SLCO6A1: variants seen among roughly 807,000 people sequenced by gnomAD.
SLCO6A1 encodes cancer/testis antigen 48.
Under a neutral mutation model 72.7 loss-of-function variants are expected in SLCO6A1, and 65 were observed. That is an observed-to-expected ratio of 0.89 (90% CI 0.73 to 1.10). SLCO6A1 has a LOEUF of 1.10. SLCO6A1 is among the 50% of genes least tolerant of loss of function. The probability of loss-of-function intolerance (pLI) is 0.00; values close to 1 mark genes in which losing one functional copy is unlikely to be tolerated. For missense variants in SLCO6A1, 874 were observed against 872.6 expected (o/e 1.00, Z -0.02); for synonymous variants, 314 against 298.2 (o/e 1.05, Z -0.55).
intron 6 of SLCO6A1, among the ~76,000 whole-genome samples, chr5:102,446,444 G>A (rs1397374378): frequency 3.3e-5 from 5 of 152,188 alleles, no homozygotes; most frequent in Admixed American, 6.5e-5. Context: ...TGCTGAAGTT[G>A]TTTATGAAAT....
chr5:102,476,252 A>G (rs1165686007), intron 3 of SLCO6A1, among the ~76,000 whole-genome samples: 1 of 152,176 alleles, frequency 6.6e-6, no homozygotes, highest in Non-Finnish European at 1.5e-5. Context: ...CCTTCAAAAA[A>G]CAAAGACATA....
rs529827620 is a variant in SLCO6A1, at chr5:102,453,496, C to T, written c.1131+4886G>A. Among the ~76,000 whole-genome samples, 10 of 152,172 alleles carry T rather than the reference C, an allele frequency of 6.6e-5. No individual in the cohort carries two copies. The East Asian group carries it at 1.7e-3, about 26-fold the overall frequency. ...GTACTGACTTTTTCTTTATATGGGC[C>T]ACATTTTCTTCTTTCTTTGCATTTT... On this transcript the variant is annotated intron_variant, in intron 6 of 13. Coordinates refer to ENST00000506729, the MANE Select transcript of SLCO6A1 (RefSeq NM_173488.5).
At chr5:102,463,847 T>C (rs894406398) in intron 4 of SLCO6A1, among the ~76,000 whole-genome samples, 5 of 150,548 alleles carry the variant, frequency 3.3e-5, no homozygotes, top group Non-Finnish European at 5.9e-5. Context: ...GATTGCGCCA[T>C]TGCACTCCAG....
In SLCO6A1 at chr5:102,438,601, AAG is replaced by A. The variant is rs1232295559; in HGVS notation, c.1276+14_1276+15del. ...AGTGCAAAATTTTTGAAATGACAAT[AAG>A]AAGGTAAATCTACCTGCAAGTGTAG... is the stretch of plus-strand genomic sequence containing the variant. On this transcript the variant is annotated intron_variant, in intron 7 of 13. Coordinates refer to ENST00000506729, the MANE Select transcript of SLCO6A1 (RefSeq NM_173488.5). 2 of 1,578,962 alleles carry A rather than the reference AAG, an allele frequency of 1.3e-6. No individual in the cohort carries two copies. The highest frequency in any genetic ancestry group is 2.7e-5 in the African/African-American group (2 of 73,096).
intron 12 of SLCO6A1, among the ~76,000 whole-genome samples, chr5:102,382,956 T>G (rs942551835): frequency 1.6e-5 from 2 of 122,160 alleles, no homozygotes; most frequent in Admixed American, 8.1e-5. Flanking sequence ...ATATGAGAGA[T>G]ATATATATGT....
rs189383405 is a variant in SLCO6A1, at chr5:102,461,838, C to T, written c.900-2061G>A. ...GAGAAAATATAGTCAAATATTTTAA[C>T]AAGTTTATAGAGCATAAGAACTTCT... On this transcript the variant is annotated intron_variant, in intron 4 of 13. Coordinates refer to ENST00000506729, the MANE Select transcript of SLCO6A1 (RefSeq NM_173488.5). Among the ~76,000 whole-genome samples the T allele has an allele frequency of 4.5e-4, 68 of 152,056 alleles. No homozygotes were observed. The South Asian group carries it at 7.5e-3, about 17-fold the overall frequency.
rs559297893 is a variant in SLCO6A1, at chr5:102,391,787, T to C, written c.1815-742A>G. ...TAATTTGAGGGTGCCCCCTCTTTCATGTTTGACCTGTGACTACTACACTCA... is the reference window on the plus strand; with the variant it reads ...TAATTTGAGGGTGCCCCCTCTTTCACGTTTGACCTGTGACTACTACACTCA... On this transcript the variant is annotated intron_variant, in intron 10 of 13. Transcript: ENST00000506729. 1.8e-4 allele frequency among the ~76,000 whole-genome samples: 27 copies of C among 152,246 alleles called. No individual in the cohort carries two copies. The South Asian group carries it at 5.6e-3, about 32-fold the overall frequency.
At chr5:102,470,938 T>G (rs1395789543) in intron 4 of SLCO6A1, among the ~76,000 whole-genome samples, 2 of 152,048 alleles carry the variant, frequency 1.3e-5, no homozygotes, top group Non-Finnish European at 2.9e-5. Context: ...TTCTCGATTG[T>G]TTTTTGTGCT....
intron 7 of SLCO6A1, 150 bp from the exon 8 acceptor site, chr5:102,420,171 T>C: frequency 2.8e-6 from 2 of 721,872 alleles, no homozygotes; most frequent in Non-Finnish European, 4.2e-6. Context: ...GCTAAATAGC[T>C]TGACGAACCC....
At chr5:102,403,549 TTATA>T (rs1025076223) in intron 9 of SLCO6A1, among the ~76,000 whole-genome samples, 1 of 152,140 alleles carries the variant, frequency 6.6e-6, no homozygotes, top group Non-Finnish European at 1.5e-5. Flanking sequence ...AGAAAAGACT[TTATA>T]TGCTTTAACA....
intron 10 of SLCO6A1, among the ~76,000 whole-genome samples, chr5:102,394,228 T>G (rs1746936400): frequency 6.6e-6 from 1 of 152,242 alleles, no homozygotes; most frequent in South Asian, 2.1e-4. Context: ...TGCAAATCAT[T>G]GAATGCTATC....
chr5:102,457,262 T>C (rs548855407), intron 6 of SLCO6A1, among the ~76,000 whole-genome samples: 1 of 135,202 alleles, frequency 7.4e-6, no homozygotes, highest in Non-Finnish European at 1.6e-5. Context: ...GGGATCTAAT[T>C]AAACTAAAGA....
chr5:102,383,260 T>TA (rs1437624668), intron 12 of SLCO6A1, among the ~76,000 whole-genome samples: 1 of 151,372 alleles, frequency 6.6e-6, no homozygotes, highest in Non-Finnish European at 1.5e-5. Context: ...ATAGAGCAGA[T>TA]AGACATCTCT....
chr5:102,387,815 A>C (rs1478216247), intron 12 of SLCO6A1, among the ~76,000 whole-genome samples: 1 of 152,170 alleles, frequency 6.6e-6, no homozygotes, highest in Non-Finnish European at 1.5e-5. Flanking sequence ...TCTGATTAAG[A>C]CTTCAGAAAT....
At chr5:102,395,340 T>A (rs2112535290) in intron 10 of SLCO6A1, among the ~76,000 whole-genome samples, 1 of 152,300 alleles carries the variant, frequency 6.6e-6, no homozygotes, top group East Asian at 1.9e-4. Context: ...GGTTTCCAAC[T>A]TCATCCATGT....
chr5:102,393,215 T>A (rs929456546), intron 10 of SLCO6A1, among the ~76,000 whole-genome samples: 6 of 152,202 alleles, frequency 3.9e-5, no homozygotes, highest in Non-Finnish European at 1.5e-5. Context: ...TATTTTAAGA[T>A]GAAATTCTGA....
In SLCO6A1 at chr5:102,391,052, G is replaced by GT; in HGVS notation, c.1815-8dup. 1 of 1,611,522 alleles carries GT rather than the reference G, an allele frequency of 6.2e-7. No homozygotes were observed. The highest frequency in any genetic ancestry group is 8.5e-7 in the Non-Finnish European group (1 of 1,177,786). On this transcript the variant is annotated splice_region_variant and splice_polypyrimidine_tract_variant and intron_variant, in intron 10 of 13. Coordinates refer to ENST00000506729, the MANE Select transcript of SLCO6A1 (RefSeq NM_173488.5). ...CAGTTTGTCAGGTACAACCCTGAAA[G>GT]TAAATAGCAATGATATAATCAGCAC...
chr5:102,416,396 T>A (rs2112601127), intron 8 of SLCO6A1, among the ~76,000 whole-genome samples: 1 of 152,030 alleles, frequency 6.6e-6, no homozygotes, highest in East Asian at 1.9e-4. Context: ...TATTTAGTCA[T>A]AAGAAAAAAA....
chr5:102,420,169 G>T, intron 7 of SLCO6A1, 148 bp from the exon 8 acceptor site: 2 of 727,404 alleles, frequency 2.7e-6, no homozygotes, highest in Non-Finnish European at 2.1e-6. Context: ...ATGCTAAATA[G>T]CTTGACGAAC....
Sources: gnomAD v4.1 joint callset for allele counts (sites outside exome capture counted in the v4.1 genomes callset) on GRCh38, gnomAD v4.1.1 for gene constraint, MANE v1.5 for transcripts, NCBI Gene and HGNC (gene_info 2026-07-23, HGNC 2026-07-21) for gene names.